ULK4: variants seen among roughly 807,000 people sequenced by gnomAD.
ULK4 encodes inactive serine/threonine-protein kinase ULK4.
In ULK4, 133 loss-of-function variants were observed where a neutral mutation model predicts 160.6. That is an observed-to-expected ratio of 0.83 (90% CI 0.72 to 0.96). The LOEUF (loss-of-function observed/expected upper bound fraction) is 0.96, where lower values mean the gene tolerates loss of function less well. Ranked by LOEUF, ULK4 falls within the 40% of genes least tolerant of loss-of-function variation. The pLI is 0.00. For missense variants in ULK4, 1,580 were observed against 1,499.5 expected (o/e 1.05, Z -0.89); for synonymous variants, 534 against 539.8 (o/e 0.99, Z 0.15).
At chr3:41,677,535 G>T (rs1313182371) in intron 29 of ULK4, among the ~76,000 whole-genome samples, 1 of 150,790 alleles carries the variant, frequency 6.6e-6, no homozygotes, top group Non-Finnish European at 1.5e-5. Flanking sequence ...GTTTCACCAT[G>T]TTAGCCAGGA....
At chr3:41,745,765 T>C (rs1204506052) in intron 22 of ULK4, among the ~76,000 whole-genome samples, 1 of 151,432 alleles carries the variant, frequency 6.6e-6, no homozygotes, top group Non-Finnish European at 1.5e-5. Context: ...AACAAAATAT[T>C]AGCAAATCAA....
At chr3:41,921,383 G>A (rs6599189) in intron 5 of ULK4, among the ~76,000 whole-genome samples, 7,039 of 151,872 alleles carry the variant, frequency 0.046, 489 homozygotes, top group African/African-American at 0.16. Flanking sequence ...AGGCCGAGGC[G>A]AGCAGATCAC....
intron 32 of ULK4, among the ~76,000 whole-genome samples, chr3:41,473,910 G>A (rs572386989): frequency 3.0e-4 from 45 of 152,162 alleles, no homozygotes; most frequent in African/African-American, 9.9e-4. Context: ...TAAAATGTCC[G>A]TTCTGCCTAA....
intron 35 of ULK4, among the ~76,000 whole-genome samples, chr3:41,312,866 T>G (rs184600226): frequency 2.0e-5 from 3 of 152,260 alleles, no homozygotes; most frequent in African/African-American, 7.2e-5. Flanking sequence ...GCAGTGTAAG[T>G]GGCCCCAGGA....
intron 21 of ULK4, among the ~76,000 whole-genome samples, chr3:41,770,300 C>T (rs1480813662): frequency 2.0e-5 from 3 of 152,128 alleles, no homozygotes; most frequent in Non-Finnish European, 4.4e-5. Flanking sequence ...TTATTAATCA[C>T]TGTTGTGTTA....
intron 31 of ULK4, among the ~76,000 whole-genome samples, chr3:41,572,107 G>A (rs1325754288): frequency 6.6e-6 from 1 of 152,238 alleles, no homozygotes; most frequent in Non-Finnish European, 1.5e-5. Flanking sequence ...AAGAATTGAG[G>A]TTAGTGAAGT....
chr3:41,372,899 C>A (rs2081398952), intron 35 of ULK4, among the ~76,000 whole-genome samples: 1 of 152,140 alleles, frequency 6.6e-6, no homozygotes, highest in Non-Finnish European at 1.5e-5. Flanking sequence ...AGACCCATCT[C>A]ACATGCAAAG....
intron 1 of ULK4, chr3:41,955,600 C>A: frequency 1.3e-5 from 2 of 155,910 alleles, no homozygotes; most frequent in South Asian, 3.6e-4. Flanking sequence ...TGGCTTTACT[C>A]CCTACGAGCT....
At chr3:41,256,861 A>C (rs1025715639) in intron 35 of ULK4, among the ~76,000 whole-genome samples, 5 of 152,234 alleles carry the variant, frequency 3.3e-5, no homozygotes, top group African/African-American at 1.2e-4. Context: ...GTAACTCTTT[A>C]AAAATATTAT....
At chr3:41,347,943 C>T (rs2080832409) in intron 35 of ULK4, among the ~76,000 whole-genome samples, 1 of 152,026 alleles carries the variant, frequency 6.6e-6, no homozygotes, top group South Asian at 2.1e-4. Flanking sequence ...CACAGTGGCT[C>T]ATGCCTGTAA....
rs193140197 is a variant in ULK4 at position 41,335,704 on chromosome 3, T to C, written c.3678+62375A>G. Among the ~76,000 whole-genome samples the C allele has an allele frequency of 6.1e-4, 93 of 151,444 alleles. 1 individual carries two copies. In the East Asian group the frequency reaches 0.017, roughly 28 times the overall value. On this transcript the variant is annotated intron_variant, in intron 35 of 36. Transcript: ENST00000301831. The stretch of plus-strand genomic sequence containing the variant: ...CTGTGTCCTAGACGCATAAAAAATT[T>C]ATAGGAGTTAGATGTCAGCAGCATG...
chr3:41,472,772 T>A (rs1466286845), intron 32 of ULK4, among the ~76,000 whole-genome samples: 1 of 152,184 alleles, frequency 6.6e-6, no homozygotes, highest in African/African-American at 2.4e-5. Context: ...ATTCTTTTTA[T>A]GAGCCCAGCA....
chr3:41,960,079 C>A (rs919579567), intron 1 of ULK4, among the ~76,000 whole-genome samples: 1 of 151,334 alleles, frequency 6.6e-6, no homozygotes, highest in Non-Finnish European at 1.5e-5. Flanking sequence ...AGGTCTTGAA[C>A]CCCTGGGCTC....
At chr3:41,906,821 C>G (rs548801339) in intron 12 of ULK4, among the ~76,000 whole-genome samples, 4 of 152,022 alleles carry the variant, frequency 2.6e-5, no homozygotes, top group Non-Finnish European at 4.4e-5. Flanking sequence ...GGTGAAACCC[C>G]GTCTCTACTA....
At chr3:41,446,012 T>G (rs1163391722) in intron 34 of ULK4, among the ~76,000 whole-genome samples, 2 of 151,640 alleles carry the variant, frequency 1.3e-5, no homozygotes, top group East Asian at 3.9e-4. Context: ...TACAATGAAC[T>G]CAAACAAATT....
At position 41,551,462 on chromosome 3, in the gene ULK4, C is replaced by T. The variant is rs147882461; in HGVS notation, c.3226+14563G>A. ...AAACATTACTGCTGCTATAGAAATACAAAAGATCATCAGAGACGATTATGA... is the reference window on the plus strand; with the variant it reads ...AAACATTACTGCTGCTATAGAAATATAAAAGATCATCAGAGACGATTATGA... On this transcript the variant is annotated intron_variant, in intron 32 of 36. Transcript: ENST00000301831. Among the ~76,000 whole-genome samples, 80 of 151,566 alleles carry T rather than the reference C, an allele frequency of 5.3e-4. No homozygotes were observed. The East Asian group carries it at 0.014, about 27-fold the overall frequency.
At chr3:41,875,431 G>C (rs1697262172) in intron 17 of ULK4, among the ~76,000 whole-genome samples, 1 of 152,024 alleles carries the variant, frequency 6.6e-6, no homozygotes, top group East Asian at 1.9e-4. Context: ...AAAAAGGCCA[G>C]CCTGGGCAAC....
At chr3:41,612,434 T>C (rs1429706362) in intron 31 of ULK4, among the ~76,000 whole-genome samples, 2 of 152,116 alleles carry the variant, frequency 1.3e-5, no homozygotes, top group African/African-American at 2.4e-5. Context: ...CCTATAATGC[T>C]CCTACCTGAT....
At chr3:41,675,217 C>T (rs147524395) in intron 29 of ULK4, among the ~76,000 whole-genome samples, 4,282 of 149,022 alleles carry the variant, frequency 0.029, 143 homozygotes, top group East Asian at 0.091. Context: ...TCCAGCCTGG[C>T]GACAAAGCAA....
Sources: allele counts gnomAD v4.1 joint callset (sites outside exome capture counted in the v4.1 genomes callset), GRCh38; gene constraint gnomAD v4.1.1; transcripts MANE v1.5; gene names NCBI Gene and HGNC (gene_info 2026-07-23, HGNC 2026-07-21).